PHLDB1: variants seen among roughly 807,000 people sequenced by gnomAD.
PHLDB1 encodes pleckstrin homology like domain family B member 1.
A neutral mutation model predicts 139.3 loss-of-function variants in PHLDB1; 65 were observed. That is an observed-to-expected ratio of 0.47 (90% CI 0.38 to 0.57). The LOEUF is 0.57. Ranked by LOEUF, PHLDB1 falls within the 20% of genes least tolerant of loss-of-function variation. The pLI, the probability that PHLDB1 is intolerant of heterozygous loss-of-function variation, is 0.00. For missense variants in PHLDB1, 1,624 were observed against 1,839.7 expected, an observed-to-expected ratio of 0.88 and a Z score of 2.14; for synonymous variants, 679 against 734.5, an observed-to-expected ratio of 0.92 and a Z score of 1.22.
At chr11:118,656,622 G>T in intron 22 of PHLDB1, 61 bp from the exon 23 acceptor site, 2 of 1,548,888 alleles carry the variant, frequency 1.3e-6, no homozygotes, top group Non-Finnish European at 1.8e-6. Flanking sequence ...AGGGAGGCAG[G>T]TGAGAATATT....
rs1241161462 is a variant in PHLDB1 at position 118,632,466 on chromosome 11, C to T, written c.2379+170C>T. ...ACTTCTCCTCCTCTGTGGAAGGAAC[C>T]AGCTTGGAGGGCACTGCCAGGGGCT... On this transcript the variant is annotated intron_variant, in intron 9 of 22. Coordinates refer to ENST00000600882, the MANE Select transcript of PHLDB1 (RefSeq NM_001144758.3). The surrounding 1 kb of genome is among the most constrained non-coding windows in gnomAD (Gnocchi z 5.9). 1.4e-6 allele frequency: 1 copy of T among 722,626 alleles called. No homozygotes were observed. Among genetic ancestry groups the T allele is most frequent in the Admixed American group, 2.6e-5 (1 of 38,650 alleles). The allele number at this position is 722,626 out of a possible 1,614,324, so 44.8% of individuals were successfully genotyped here.
Position 118,617,058 on chromosome 11 carries a change from A to T in PHLDB1, c.355+847A>T, listed in dbSNP as rs190833277. Among the ~76,000 whole-genome samples the T allele has an allele frequency of 4.6e-5, 7 of 152,288 alleles. No individual in the cohort carries two copies. The East Asian group carries it at 1.3e-3, about 29-fold the overall frequency. ...AGACTCCGTCTCAAAAAATAAATAA[A>T]TAAAAAATAAAAATAAATAAAAACT... On this transcript the variant is annotated intron_variant, in intron 4 of 22. Coordinates refer to ENST00000600882, the MANE Select transcript of PHLDB1 (RefSeq NM_001144758.3).
chr11:118,656,529 A>G (rs1272046230), intron 22 of PHLDB1, among the ~76,000 whole-genome samples, 154 bp from the exon 23 acceptor site: 4 of 152,146 alleles, frequency 2.6e-5, no homozygotes, highest in African/African-American at 7.2e-5. Context: ...TGGGGCTCAC[A>G]TGGACTGGTA....
At chr11:118,607,274 G>C (rs1555079802), upstream of PHLDB1, among the ~76,000 whole-genome samples, 1 of 139,714 alleles carries the variant, frequency 7.2e-6, no homozygotes, top group Admixed American at 7.4e-5. Flanking sequence ...TAAAGCCTGG[G>C]AGTGGAGGGT....
rs1231898067 is a variant in PHLDB1, at chr11:118,610,394, C to T, written c.-22+2695C>T. On this transcript the variant is annotated intron_variant, in intron 1 of 22. Coordinates refer to ENST00000600882, the MANE Select transcript of PHLDB1 (RefSeq NM_001144758.3). This position sits in a 1 kb window ranked among gnomAD's most constrained non-coding sequence, Gnocchi z 8.7. ...CCTGACTCCTTCCTCTGACGGCGGC[C>T]CTTTCTCGAGGGCGGATGTGCGCCT... 1 of 959,820 alleles carries T rather than the reference C, an allele frequency of 1.0e-6. No individual in the cohort carries two copies. The highest frequency in any genetic ancestry group is 1.1e-4 in the East Asian group (1 of 8,710). 59.5% of individuals were successfully genotyped at this position (959,820 alleles called of 1,614,324 possible). A position where few individuals can be genotyped will look rare whatever the true frequency, so the allele number is the denominator to read the frequency against.
In PHLDB1 at chr11:118,650,993, G is replaced by C. The variant is rs1305300451; in HGVS notation, c.3874+446G>C. The C allele has an allele frequency of 5.0e-6, 1 of 200,122 alleles. No individual in the cohort carries two copies. The highest frequency in any genetic ancestry group is 2.3e-5 in the African/African-American group (1 of 42,760). The allele number at this position is 200,122 out of a possible 1,614,324, so 12.4% of individuals were successfully genotyped here. A position where few individuals can be genotyped will look rare whatever the true frequency, so the allele number is the denominator to read the frequency against. On this transcript the variant is annotated intron_variant, in intron 20 of 22. Coordinates refer to ENST00000600882, the MANE Select transcript of PHLDB1 (RefSeq NM_001144758.3). The surrounding 1 kb of genome is among the most constrained non-coding windows in gnomAD (Gnocchi z 4.7). ...ATCAGAGATTCCAAGACAAGCAGTTGAACAGTGCCAAAGAGTGCTCAGGAT... is the reference window on the plus strand; with the variant it reads ...ATCAGAGATTCCAAGACAAGCAGTTCAACAGTGCCAAAGAGTGCTCAGGAT...
intron 1 of PHLDB1, among the ~76,000 whole-genome samples, chr11:118,609,082 G>A (rs1238226851): frequency 1.5e-5 from 2 of 132,532 alleles, no homozygotes; most frequent in Non-Finnish European, 1.6e-5. Context: ...CACACACACT[G>A]CCCCAGTTAC....
chr11:118,620,234 T>G lies in PHLDB1; in HGVS notation c.355+4023T>G, dbSNP rs1005602958. Among the ~76,000 whole-genome samples, 6 of 152,366 alleles carry G rather than the reference T, an allele frequency of 3.9e-5. No individual in the cohort carries two copies. In the South Asian group the frequency reaches 1.2e-3, roughly 32 times the overall value. On this transcript the variant is annotated intron_variant, in intron 4 of 22. Transcript: ENST00000600882. The surrounding 1 kb of genome is among the most constrained non-coding windows in gnomAD (Gnocchi z 4.1). ...TGGGCCGGGTGCAGTGGCTCACGCCTGTAATCCCAACACTTTGGGAGGCCG... is the reference window on the plus strand; with the variant it reads ...TGGGCCGGGTGCAGTGGCTCACGCCGGTAATCCCAACACTTTGGGAGGCCG...
At chr11:118,625,149 G>T in intron 5 of PHLDB1, 90 bp downstream of exon 5, 3 of 1,440,980 alleles carry the variant, frequency 2.1e-6, no homozygotes, top group Non-Finnish European at 2.8e-6. Flanking sequence ...TGGAGTGTTA[G>T]GGCAAGACAA....
rs576184366 is a variant in PHLDB1, at chr11:118,650,030, A to G, written c.3655-47A>G. The G allele has an allele frequency of 1.5e-6, 2 of 1,371,132 alleles. No individual in the cohort carries two copies. The highest frequency in any genetic ancestry group is 1.4e-5 in the African/African-American group (1 of 70,222). 84.9% of individuals were successfully genotyped at this position (1,371,132 alleles called of 1,614,324 possible). ...AGCCAAGGGGCCTGGACAGGGGAATAATGAGGGAAGAGAGGAGACTCTCCT... is the reference window on the plus strand; with the variant it reads ...AGCCAAGGGGCCTGGACAGGGGAATGATGAGGGAAGAGAGGAGACTCTCCT... On this transcript the variant is annotated intron_variant, in intron 18 of 22. Transcript: ENST00000600882. The surrounding 1 kb of genome is among the most constrained non-coding windows in gnomAD (Gnocchi z 4.7).
chr11:118,613,613 C>G, intron 1 of PHLDB1: 1 of 601,874 alleles, frequency 1.7e-6, no homozygotes, highest in South Asian at 2.0e-5. Flanking sequence ...GGTATCCATG[C>G]TGTGGCTGGC....
intron 22 of PHLDB1, 57 bp from the exon 23 acceptor site, chr11:118,656,626 G>T: frequency 1.3e-6 from 2 of 1,568,726 alleles, no homozygotes; most frequent in South Asian, 2.3e-5. Context: ...AGGCAGGTGA[G>T]AATATTCCTG....
intron 4 of PHLDB1, among the ~76,000 whole-genome samples, chr11:118,623,780 C>G (rs1565414919): frequency 6.6e-6 from 1 of 152,204 alleles, no homozygotes; most frequent in Admixed American, 6.5e-5. Flanking sequence ...GCCTCTCAGA[C>G]TGACTCTTCT....
At position 118,631,915 on chromosome 11, in the gene PHLDB1, C is replaced by T. The variant is rs371762664; in HGVS notation, c.2103C>T (p.His701=). The change falls in exon 8 of 23, where the codon CAC becomes CAT. Residue 701 remains histidine, a splice_region_variant and synonymous_variant. Coordinates refer to ENST00000600882, the MANE Select transcript of PHLDB1 (RefSeq NM_001144758.3). ...TTGATAGCTTCCCTCCCCTCCAGCACGAAGATGCACCTAGCACCAAGCTCC... is the reference window on the plus strand; with the variant it reads ...TTGATAGCTTCCCTCCCCTCCAGCATGAAGATGCACCTAGCACCAAGCTCC... ...CSSTESTQQE[H]EDAPSTKLQG... 83 of 1,607,182 alleles carry T rather than the reference C, an allele frequency of 5.2e-5. 1 individual carries two copies. In the South Asian group the frequency reaches 5.8e-4, roughly 11 times the overall value.
chr11:118,624,890 G>A (rs782509251), intron 4 of PHLDB1, 44 bp from the exon 5 acceptor site: 1 of 1,610,340 alleles, frequency 6.2e-7, no homozygotes, highest in Non-Finnish European at 8.5e-7. Context: ...GATTACAGGT[G>A]TGAGCCACCA....
At chr11:118,623,778 G>T (rs1445703244) in intron 4 of PHLDB1, among the ~76,000 whole-genome samples, 1 of 151,962 alleles carries the variant, frequency 6.6e-6, no homozygotes, top group African/African-American at 2.4e-5. Flanking sequence ...CTGCCTCTCA[G>T]ACTGACTCTT....
chr11:118,629,328 G>T (rs146118269), intron 6 of PHLDB1, among the ~76,000 whole-genome samples: 1 of 152,230 alleles, frequency 6.6e-6, no homozygotes, highest in Non-Finnish European at 1.5e-5. Context: ...GTGCATGCAC[G>T]TGGGTGCATG....
intron 11 of PHLDB1, 51 bp downstream of exon 11, chr11:118,639,052 G>T: frequency 6.4e-7 from 1 of 1,565,370 alleles, no homozygotes; most frequent in African/African-American, 1.3e-5. Context: ...TAAGTGGGAG[G>T]GGAGTGCAGA....
chr11:118,611,618 G>A lies in PHLDB1; in HGVS notation c.-21-2198G>A, dbSNP rs566275101. Among the ~76,000 whole-genome samples the A allele has an allele frequency of 1.1e-4, 16 of 152,266 alleles. No homozygotes were observed. The South Asian group carries it at 2.9e-3, about 28-fold the overall frequency. ...CGCCTGTAATCCCAGCACTTCGGGA[G>A]GTCGAGGCGGGCGGATCACCTGAGG... is the stretch of plus-strand genomic sequence containing the variant. On this transcript the variant is annotated intron_variant, in intron 1 of 22. Transcript: ENST00000600882. The surrounding 1 kb of genome is among the most constrained non-coding windows in gnomAD (Gnocchi z 4.7).
Sources: gnomAD v4.1 joint callset for allele counts (sites outside exome capture counted in the v4.1 genomes callset) on GRCh38, gnomAD v4.1.1 for gene constraint, Gnocchi (gnomAD v3.1) non-coding constraint, MANE v1.5 for transcripts, NCBI Gene and HGNC (gene_info 2026-07-23, HGNC 2026-07-21) for gene names.